The following NRG1 variants were observed in gnomAD, a reference collection of about 807,000 sequenced individuals.
NRG1 encodes neuregulin 1, also known as pro-neuregulin-1, membrane-bound isoform.
A neutral mutation model predicts 63.8 loss-of-function variants in NRG1; 18 were observed. That is an observed-to-expected ratio of 0.28 (90% confidence interval 0.19 to 0.42). The LOEUF (loss-of-function observed/expected upper bound fraction) is 0.42, where lower values mean the gene tolerates loss of function less well. Among genes scored for constraint, NRG1 ranks in the 10% least tolerant of loss-of-function variants. The pLI is 1.00. For missense variants in NRG1, 762 were observed against 814.7 expected (o/e 0.94, Z 0.79); for synonymous variants, 302 against 301.3 (o/e 1.00, Z -0.02).
chr8:32,365,503 CT>C (rs1807849683), intron 1 of NRG1, among the ~76,000 whole-genome samples: 1 of 151,758 alleles, frequency 6.6e-6, no homozygotes, highest in South Asian at 2.1e-4. Flanking sequence ...TTTATGGGTT[CT>C]TTTTTTATTT....
chr8:32,713,203 A>T (rs1355975736), intron 5 of NRG1, among the ~76,000 whole-genome samples: 1 of 152,116 alleles, frequency 6.6e-6, no homozygotes, highest in Non-Finnish European at 1.5e-5. Context: ...TGCTGCTATG[A>T]TAGTCCTATA....
intron 1 of NRG1, among the ~76,000 whole-genome samples, chr8:31,970,562 A>G (rs1807113989): frequency 6.6e-6 from 1 of 152,138 alleles, no homozygotes; most frequent in Admixed American, 6.5e-5. Flanking sequence ...AAGTCACATG[A>G]GCTTACAGCA....
At chr8:32,447,594 C>A (rs139005092) in intron 1 of NRG1, among the ~76,000 whole-genome samples, 2 of 152,038 alleles carry the variant, frequency 1.3e-5, no homozygotes, top group Non-Finnish European at 2.9e-5. Flanking sequence ...AAAACGTGGG[C>A]GCAGTGGCTC....
At chr8:32,323,852 G>A (rs1351600305) in intron 1 of NRG1, among the ~76,000 whole-genome samples, 3 of 151,910 alleles carry the variant, frequency 2.0e-5, no homozygotes, top group African/African-American at 7.3e-5. Context: ...GAGCCCACAT[G>A]GTGGGGCTTT....
At chr8:32,664,183 A>G (rs1803561474) in intron 5 of NRG1, among the ~76,000 whole-genome samples, 1 of 152,174 alleles carries the variant, frequency 6.6e-6, no homozygotes, top group Non-Finnish European at 1.5e-5. Context: ...AGAGACAGAA[A>G]GAGCTAGTTT....
At chr8:31,823,056 G>A (rs1824157055) in intron 1 of NRG1, among the ~76,000 whole-genome samples, 1 of 150,272 alleles carries the variant, frequency 6.7e-6, no homozygotes. Flanking sequence ...TAACAATTAT[G>A]ACCAAAGGTA....
At chr8:32,307,278 G>A (rs942683029) in intron 1 of NRG1, among the ~76,000 whole-genome samples, 2 of 152,158 alleles carry the variant, frequency 1.3e-5, no homozygotes, top group Admixed American at 1.3e-4. Context: ...CAAATCAAAA[G>A]ACTAGATGTA....
chr8:32,130,483 A>T (rs1287797101), intron 1 of NRG1, among the ~76,000 whole-genome samples: 2 of 151,840 alleles, frequency 1.3e-5, no homozygotes, highest in African/African-American at 4.8e-5. Context: ...AATTGGTGGT[A>T]ATACTGAGGT....
chr8:32,162,457 C>T (rs1281299858), intron 1 of NRG1, among the ~76,000 whole-genome samples: 1 of 152,088 alleles, frequency 6.6e-6, no homozygotes, highest in Non-Finnish European at 1.5e-5. Context: ...AACTCAGACT[C>T]ATGGTGTAAT....
At chr8:31,957,966 C>G (rs1804728296) in intron 1 of NRG1, among the ~76,000 whole-genome samples, 1 of 152,144 alleles carries the variant, frequency 6.6e-6, no homozygotes, top group African/African-American at 2.4e-5. Flanking sequence ...GAACTGCCTT[C>G]TCTTTTTCCA....
At position 32,555,133 on chromosome 8, in the gene NRG1, G is replaced by C. The variant is rs148560604; in HGVS notation, c.100+6307G>C. On this transcript the variant is annotated intron_variant, in intron 1 of 11. Transcript: ENST00000356819. ...GTGGTTAGCTTGCAAGGGGACATCT[G>C]TCAGATTAATTCCCTCTAGGAATTT... Among the ~76,000 whole-genome samples, 12 of 152,252 alleles carry C rather than the reference G, an allele frequency of 7.9e-5. No homozygotes were observed. The East Asian group carries it at 1.9e-3, about 25-fold the overall frequency.
intron 1 of NRG1, among the ~76,000 whole-genome samples, chr8:32,105,401 A>G (rs1352165790): frequency 1.3e-5 from 2 of 152,180 alleles, no homozygotes; most frequent in Non-Finnish European, 2.9e-5. Context: ...AGCAGACAAG[A>G]GAAGAGAACT....
At chr8:32,397,217 T>C (rs2129484356) in intron 1 of NRG1, among the ~76,000 whole-genome samples, 1 of 152,338 alleles carries the variant, frequency 6.6e-6, no homozygotes, top group Admixed American at 6.5e-5. Flanking sequence ...TCTATTATTT[T>C]AGTTGTTTCA....
At chr8:32,274,061 G>A (rs1851826598) in intron 1 of NRG1, among the ~76,000 whole-genome samples, 2 of 151,998 alleles carry the variant, frequency 1.3e-5, no homozygotes, top group East Asian at 1.9e-4. Context: ...CATGGCTGGT[G>A]GAAAAAAAGA....
At chr8:31,838,087 A>G (rs1002768555) in intron 1 of NRG1, among the ~76,000 whole-genome samples, 1 of 152,110 alleles carries the variant, frequency 6.6e-6, no homozygotes, top group Non-Finnish European at 1.5e-5. Context: ...CATTCCCACG[A>G]GCAGTGTATA....
chr8:32,178,888 T>TA (rs879424769), intron 1 of NRG1, among the ~76,000 whole-genome samples: 2,005 of 145,780 alleles, frequency 0.014, 50 homozygotes, highest in African/African-American at 0.046. Flanking sequence ...CTTTCTGTCC[T>TA]AAAAAAAAAA....
intron 1 of NRG1, among the ~76,000 whole-genome samples, chr8:31,680,458 A>G (rs1808211499): frequency 6.6e-6 from 1 of 152,006 alleles, no homozygotes; most frequent in African/African-American, 2.4e-5. Context: ...ATGTCCCTAC[A>G]AAGGACATGA....
At chr8:32,223,253 T>G (rs1846006301) in intron 1 of NRG1, among the ~76,000 whole-genome samples, 1 of 152,198 alleles carries the variant, frequency 6.6e-6, no homozygotes, top group African/African-American at 2.4e-5. Flanking sequence ...ATAAACAACT[T>G]CTCTAACTGG....
chr8:32,430,721 T>C (rs1279179343), intron 1 of NRG1, among the ~76,000 whole-genome samples: 3 of 151,916 alleles, frequency 2.0e-5, no homozygotes, highest in Admixed American at 6.6e-5. Context: ...TACTAGAAAA[T>C]ATGTCATTTG....
Sources: allele counts gnomAD v4.1 joint callset (sites outside exome capture counted in the v4.1 genomes callset), GRCh38; gene constraint gnomAD v4.1.1; transcripts MANE v1.5; gene names NCBI Gene and HGNC (gene_info 2026-07-23, HGNC 2026-07-21).